The following SLC38A4 variants were observed in gnomAD, a reference collection of about 807,000 sequenced individuals.
The protein encoded by SLC38A4 is solute carrier family 38 member 4, also known as sodium-coupled neutral amino acid transporter 4.
In SLC38A4, 20 loss-of-function variants were observed where a neutral mutation model predicts 63.1. The ratio of observed to expected loss-of-function variants is 0.32; its 90% CI spans 0.22 to 0.46. SLC38A4 has a LOEUF of 0.46. Ranked by LOEUF, SLC38A4 falls within the 20% of genes least tolerant of loss-of-function variation. The probability of loss-of-function intolerance (pLI) is 1.00; values close to 1 mark genes in which losing one functional copy is unlikely to be tolerated. For missense variants in SLC38A4, 526 were observed against 663.6 expected, an observed-to-expected ratio of 0.79 and a Z score of 2.28; for synonymous variants, 230 against 225.5, an observed-to-expected ratio of 1.02 and a Z score of -0.18.
chr12:46,805,530 A>G (rs1051320304), intron 1 of SLC38A4, among the ~76,000 whole-genome samples: 11 of 152,196 alleles, frequency 7.2e-5, no homozygotes, highest in Middle Eastern at 3.4e-3. Flanking sequence ...CTTTTCTTTC[A>G]TAAGCAAAAC....
chr12:46,790,808 G>A (rs1323484760), intron 3 of SLC38A4, among the ~76,000 whole-genome samples: 2 of 152,048 alleles, frequency 1.3e-5, no homozygotes, highest in Admixed American at 6.6e-5. Flanking sequence ...AGCATGTATT[G>A]AAAACACAAG....
At chr12:46,779,731 T>C (rs1938600098) in intron 9 of SLC38A4, 49 bp downstream of exon 9, 1 of 1,586,930 alleles carries the variant, frequency 6.3e-7, no homozygotes. Flanking sequence ...CTAACCTATT[T>C]AAATGTGAAA....
At chr12:46,795,575 G>A (rs1192203478) in intron 2 of SLC38A4, among the ~76,000 whole-genome samples, 1 of 151,928 alleles carries the variant, frequency 6.6e-6, no homozygotes, top group African/African-American at 2.4e-5. Context: ...TCTTTCTTCA[G>A]TTTATTTTGC....
chr12:46,801,390 C>CA (rs1367272889), intron 2 of SLC38A4, among the ~76,000 whole-genome samples: 2 of 152,026 alleles, frequency 1.3e-5, no homozygotes. Context: ...GTCTGGAAAG[C>CA]AAAACAGTCC....
At chr12:46,820,783 T>G (rs1939528714) in intron 1 of SLC38A4, among the ~76,000 whole-genome samples, 1 of 152,010 alleles carries the variant, frequency 6.6e-6, no homozygotes, top group Non-Finnish European at 1.5e-5. Flanking sequence ...TACTAATTTA[T>G]ATCCGCACCA....
chr12:46,788,440 A>T (rs1398289780), intron 4 of SLC38A4, 88 bp downstream of exon 4: 13 of 1,075,628 alleles, frequency 1.2e-5, no homozygotes, highest in Non-Finnish European at 1.8e-5. Flanking sequence ...GGCTTGGAAA[A>T]TTTCAGTCAC....
At chr12:46,769,944 T>C (rs1938382155) in intron 14 of SLC38A4, among the ~76,000 whole-genome samples, 1 of 152,142 alleles carries the variant, frequency 6.6e-6, no homozygotes, top group African/African-American at 2.4e-5. Context: ...TATGTCCACA[T>C]TTGTAAGCAA....
At chr12:46,791,227 A>G (rs1938882120) in intron 3 of SLC38A4, among the ~76,000 whole-genome samples, 1 of 152,178 alleles carries the variant, frequency 6.6e-6, no homozygotes, top group Non-Finnish European at 1.5e-5. Flanking sequence ...AATGTCATCT[A>G]TATTCTGGTC....
intron 14 of SLC38A4, among the ~76,000 whole-genome samples, chr12:46,770,149 T>G (rs1232817683): frequency 1.3e-5 from 2 of 152,088 alleles, no homozygotes; most frequent in African/African-American, 4.8e-5. Flanking sequence ...AGAAACATAG[T>G]AAAACCCTTG....
chr12:46,818,032 A>G (rs1939475010), intron 1 of SLC38A4, among the ~76,000 whole-genome samples: 1 of 151,978 alleles, frequency 6.6e-6, no homozygotes, highest in Non-Finnish European at 1.5e-5. Flanking sequence ...TACAAAAGTG[A>G]GAAGATGACA....
At chr12:46,768,572 A>G (rs1938345277) in intron 15 of SLC38A4, among the ~76,000 whole-genome samples, 165 bp from the exon 16 acceptor site, 3 of 152,138 alleles carry the variant, frequency 2.0e-5, no homozygotes, top group African/African-American at 7.2e-5. Flanking sequence ...TTATTCATAG[A>G]AGATATGTTT....
intron 1 of SLC38A4, among the ~76,000 whole-genome samples, chr12:46,804,204 A>G (rs1023783215): frequency 4.6e-5 from 7 of 152,016 alleles, no homozygotes; most frequent in Non-Finnish European, 7.4e-5. Context: ...TCAAGATGCC[A>G]TGAAGTTGGA....
intron 1 of SLC38A4, among the ~76,000 whole-genome samples, chr12:46,816,929 G>A (rs1378176171): frequency 6.6e-6 from 1 of 151,770 alleles, no homozygotes; most frequent in Non-Finnish European, 1.5e-5. Context: ...TAACAGCTCA[G>A]AGGTATTGGG....
intron 2 of SLC38A4, among the ~76,000 whole-genome samples, chr12:46,801,122 C>A (rs11183616): frequency 0.64 from 97,501 of 151,932 alleles, 34,857 homozygotes; most frequent in Non-Finnish European, 0.8. Flanking sequence ...ATTGACTCTT[C>A]ATGAAAATAC....
At chr12:46,825,426 A>G (rs1248245118) in intron 1 of SLC38A4, among the ~76,000 whole-genome samples, 1 of 152,166 alleles carries the variant, frequency 6.6e-6, no homozygotes, top group Non-Finnish European at 1.5e-5. Context: ...GCATACTGTT[A>G]CTAAAGAATT....
chr12:46,820,963 T>G (rs1939533930), intron 1 of SLC38A4, among the ~76,000 whole-genome samples: 1 of 152,126 alleles, frequency 6.6e-6, no homozygotes, highest in East Asian at 1.9e-4. Flanking sequence ...CTGTTGGCCA[T>G]TCGTATGTCT....
intron 14 of SLC38A4, 129 bp from the exon 15 acceptor site, chr12:46,769,557 T>G: frequency 1.0e-6 from 1 of 957,250 alleles, no homozygotes; most frequent in South Asian, 1.8e-5. Context: ...GTTGATGCTT[T>G]TTTCAATTTT....
chr12:46,776,431 C>G (rs1001932709), intron 13 of SLC38A4, among the ~76,000 whole-genome samples: 2 of 151,996 alleles, frequency 1.3e-5, no homozygotes, highest in African/African-American at 4.8e-5. Flanking sequence ...TGGGATATGT[C>G]AGAAATTTTA....
upstream of SLC38A4, among the ~76,000 whole-genome samples, chr12:46,828,017 T>C (rs1361060643): frequency 6.6e-6 from 1 of 152,030 alleles, no homozygotes; most frequent in African/African-American, 2.4e-5. Context: ...TGTGCAAGGA[T>C]CTCCCTGACC....
Sources: gnomAD v4.1 joint callset for allele counts (sites outside exome capture counted in the v4.1 genomes callset) on GRCh38, gnomAD v4.1.1 for gene constraint, MANE v1.5 for transcripts, NCBI Gene and HGNC (gene_info 2026-07-23, HGNC 2026-07-21) for gene names.